The following GLIS3 variants were observed in gnomAD, a reference collection of about 807,000 sequenced individuals.
The protein encoded by GLIS3 is GLIS family zinc finger 3, also known as zinc finger protein GLIS3.
A neutral mutation model predicts 78.6 loss-of-function variants in GLIS3; 53 were observed. The ratio of observed to expected loss-of-function variants is 0.67; its 90% CI spans 0.54 to 0.85. GLIS3 has a LOEUF of 0.85. Among genes scored for constraint, GLIS3 ranks in the 40% least tolerant of loss-of-function variants. The pLI, the probability that GLIS3 is intolerant of heterozygous loss-of-function variation, is 0.00. For synonymous variants in GLIS3, 684 were observed against 509.9 expected, an observed-to-expected ratio of 1.34 and a Z score of -4.60; for missense variants, 1,703 against 1,231.1, an observed-to-expected ratio of 1.38 and a Z score of -5.74.
At chr9:4,043,342 G>A (rs1401093942) in intron 4 of GLIS3, among the ~76,000 whole-genome samples, 1 of 152,050 alleles carries the variant, frequency 6.6e-6, no homozygotes, top group Non-Finnish European at 1.5e-5. Context: ...GGGAGATCAG[G>A]GTGAGGTACA....
chr9:4,411,004 C>G, the GLIS3 span, among the ~76,000 whole-genome samples: 2 of 152,028 alleles, frequency 1.3e-5, no homozygotes, highest in Admixed American at 1.3e-4. Flanking sequence ...TATGTAACAA[C>G]CTTTACACAT....
At chr9:4,342,653 T>C (rs973526108) in intron 2 of GLIS3, among the ~76,000 whole-genome samples, 1 of 152,346 alleles carries the variant, frequency 6.6e-6, no homozygotes, top group Admixed American at 6.5e-5. Context: ...GGTGGTTTAA[T>C]AGGAATAGCA....
Position 4,320,015 on chromosome 9 carries a change from G to C in GLIS3, n.265-9487C>G, listed in dbSNP as rs1397049644. On this transcript the variant is annotated intron_variant and non_coding_transcript_variant, in intron 2 of 4. Coordinates refer to the GLIS3 transcript ENST00000471664. ...TGTGTGTGTGTGTGTGTGTGTGTGT[G>C]TGTGTGTGTGCGCGCGCACAAGAGT... is the stretch of plus-strand genomic sequence containing the variant. Among the ~76,000 whole-genome samples the C allele has an allele frequency of 8.4e-5, 4 of 47,380 alleles. No homozygotes were observed. In the East Asian group the frequency reaches 3.0e-3, roughly 35 times the overall value. The allele number at this position is 47,380 out of a possible 152,430, so 31.1% of individuals were successfully genotyped here.
At chr9:4,432,861 G>C in the GLIS3 span, among the ~76,000 whole-genome samples, 5 of 151,704 alleles carry the variant, frequency 3.3e-5, no homozygotes, top group Non-Finnish European at 7.4e-5. Context: ...GTCTGGTCTC[G>C]AACTCCTAAC....
chr9:4,475,507 G>T, the GLIS3 span, among the ~76,000 whole-genome samples: 2 of 152,162 alleles, frequency 1.3e-5, no homozygotes, highest in Non-Finnish European at 2.9e-5. Context: ...TCTATCACTT[G>T]TGAACTTGTT....
At chr9:4,240,447 G>C (rs1023745485) in intron 2 of GLIS3, among the ~76,000 whole-genome samples, 1 of 152,026 alleles carries the variant, frequency 6.6e-6, no homozygotes, top group South Asian at 2.1e-4. Flanking sequence ...GCAGCAGTTC[G>C]CGGTCTGGGG....
At position 4,000,313 on chromosome 9, in the gene GLIS3, T is replaced by C. The variant is rs76542767; in HGVS notation, c.1711-63124A>G. Among the ~76,000 whole-genome samples, 170 of 152,258 alleles carry C rather than the reference T, an allele frequency of 1.1e-3. 3 individuals are homozygous for C. The East Asian group carries it at 0.031, about 27-fold the overall frequency. ...CAATGTATTTTTAAGGATGCCTATA[T>C]GTGTGGTAAAACTTTAAGGAAAAGC... On this transcript the variant is annotated intron_variant, in intron 4 of 10. Coordinates refer to ENST00000381971, the MANE Select transcript of GLIS3 (RefSeq NM_001042413.2).
the GLIS3 span, among the ~76,000 whole-genome samples, chr9:4,455,436 T>A: frequency 1.1e-3 from 161 of 152,182 alleles, 2 homozygotes; most frequent in East Asian, 0.025. Flanking sequence ...AAGTTAGGCA[T>A]CTTGTATAGT....
At chr9:4,454,390 G>T in the GLIS3 span, among the ~76,000 whole-genome samples, 1 of 152,146 alleles carries the variant, frequency 6.6e-6, no homozygotes, top group Non-Finnish European at 1.5e-5. Flanking sequence ...AGAAAATGTG[G>T]TGAATGAACC....
At chr9:4,287,038 C>A (rs1308417102) in intron 1 of GLIS3, among the ~76,000 whole-genome samples, 1 of 152,122 alleles carries the variant, frequency 6.6e-6, no homozygotes, top group South Asian at 2.1e-4. Context: ...TCCCTAGATT[C>A]GAAAAAGATG....
At chr9:4,188,975 G>GT (rs763694309) in intron 2 of GLIS3, among the ~76,000 whole-genome samples, 2 of 152,022 alleles carry the variant, frequency 1.3e-5, no homozygotes, top group African/African-American at 2.4e-5. Context: ...TTTCTGAAGG[G>GT]TTTTTTGTAT....
At chr9:3,980,984 C>G (rs1423526532) in intron 4 of GLIS3, among the ~76,000 whole-genome samples, 1 of 152,226 alleles carries the variant, frequency 6.6e-6, no homozygotes, top group East Asian at 1.9e-4. Flanking sequence ...AAGCTCTACG[C>G]TGCTCTGCTG....
the GLIS3 span, among the ~76,000 whole-genome samples, chr9:4,427,804 A>G: frequency 6.6e-6 from 1 of 152,020 alleles, no homozygotes; most frequent in Non-Finnish European, 1.5e-5. Flanking sequence ...GGTTGCAGTG[A>G]GCCAAGATTG....
At chr9:4,384,308 A>G in the GLIS3 span, among the ~76,000 whole-genome samples, 1 of 151,776 alleles carries the variant, frequency 6.6e-6, no homozygotes, top group Middle Eastern at 3.2e-3. Context: ...TTTTTAGATA[A>G]TACTGTTCAG....
At chr9:4,385,784 A>AGAAAGAAG in the GLIS3 span, among the ~76,000 whole-genome samples, 10 of 80,924 alleles carry the variant, frequency 1.2e-4, 1 homozygote, top group East Asian at 2.3e-3. Context: ...AAAGAAAGAA[A>AGAAAGAAG]GAAAGAAAGA....
intron 2 of GLIS3, among the ~76,000 whole-genome samples, chr9:4,256,883 G>T (rs562964576): frequency 6.6e-6 from 1 of 152,292 alleles, no homozygotes; most frequent in South Asian, 2.1e-4. Context: ...GTCTTGTAAA[G>T]ATATCTGTAC....
At chr9:4,303,570 A>G (rs907561127), upstream of GLIS3, among the ~76,000 whole-genome samples, 12 of 152,200 alleles carry the variant, frequency 7.9e-5, no homozygotes, top group Admixed American at 7.9e-4. Context: ...ATTCTTATTT[A>G]CACATATCGC....
Position 4,003,215 on chromosome 9 carries a change from G to A in GLIS3, c.1711-66026C>T, listed in dbSNP as rs375390155. Among the ~76,000 whole-genome samples the A allele has an allele frequency of 3.9e-5, 6 of 152,172 alleles. 1 individual carries two copies. In the East Asian group the frequency reaches 9.7e-4, roughly 24 times the overall value. ...GGCAACATAGCAAGATCCCATCTCT[G>A]TTTTAAAAATTTAACATACTATCTT... On this transcript the variant is annotated intron_variant, in intron 4 of 10. Coordinates refer to ENST00000381971, the MANE Select transcript of GLIS3 (RefSeq NM_001042413.2).
chr9:4,026,367 T>C (rs1823347734), intron 4 of GLIS3, among the ~76,000 whole-genome samples: 1 of 152,256 alleles, frequency 6.6e-6, no homozygotes, highest in African/African-American at 2.4e-5. Context: ...TGAATAATAA[T>C]GCTTTTCTGT....
Sources: allele counts gnomAD v4.1 joint callset (sites outside exome capture counted in the v4.1 genomes callset), GRCh38; gene constraint gnomAD v4.1.1; transcripts MANE v1.5; gene names NCBI Gene and HGNC (gene_info 2026-07-23, HGNC 2026-07-21).